Variants in SPINK5 observed in about 807,000 individuals in gnomAD.
The protein encoded by SPINK5 is serine peptidase inhibitor Kazal type 5.
A neutral mutation model predicts 151.8 loss-of-function variants in SPINK5; 125 were observed. The ratio of observed to expected loss-of-function variants is 0.82; its 90% confidence interval spans 0.71 to 0.96. The LOEUF (loss-of-function observed/expected upper bound fraction) is 0.96, where lower values mean the gene tolerates loss of function less well. Among genes scored for constraint, SPINK5 ranks in the 40% least tolerant of loss-of-function variants. SPINK5 has a pLI of 0.00. For synonymous variants in SPINK5, 374 were observed against 395.3 expected, an observed-to-expected ratio of 0.95 and a Z score of 0.64; for missense variants, 1,194 against 1,291.9, an observed-to-expected ratio of 0.92 and a Z score of 1.16.
chr5:148,102,131 A>G (rs1164132215), intron 15 of SPINK5, among the ~76,000 whole-genome samples: 2 of 152,164 alleles, frequency 1.3e-5, no homozygotes, highest in Non-Finnish European at 2.9e-5. Context: ...ACACAGAAAA[A>G]CATATAATGT....
At position 148,120,373 on chromosome 5, in the gene SPINK5, A is replaced by C; in HGVS notation, c.2520A>C (p.Glu840Asp). Reference sequence around the variant, plus strand: ...CAGGAGAAAGGAGCAATACAGGAGAAAGGAGCAATGACAAAGAGGTAATAG... The same window carrying C: ...CAGGAGAAAGGAGCAATACAGGAGACAGGAGCAATGACAAAGAGGTAATAG... ...SNTGERSNTG[E>D]RSNDKEDLCR... Residue 840 changes from glutamate (E) to aspartate (D), a missense_variant, in exon 26 of 33, where the codon GAA becomes GAC. By Grantham distance (45) the Glu-to-Asp change is conservative (BLOSUM62 2). Transcript: ENST00000256084. 3 of 1,600,158 alleles carry C rather than the reference A, an allele frequency of 1.9e-6. No individual in the cohort carries two copies. The highest frequency in any genetic ancestry group is 2.6e-6 in the Non-Finnish European group (3 of 1,171,908).
intron 26 of SPINK5, among the ~76,000 whole-genome samples, chr5:148,120,692 G>T (rs771127073): frequency 5.9e-5 from 9 of 151,948 alleles, no homozygotes; most frequent in Non-Finnish European, 1.2e-4. Flanking sequence ...GGATGGTCTC[G>T]AACTCCTGAG....
At chr5:148,086,318 T>C in intron 4 of SPINK5, 87 bp from the exon 5 acceptor site, 1 of 1,531,858 alleles carries the variant, frequency 6.5e-7, no homozygotes, top group Non-Finnish European at 8.9e-7. Flanking sequence ...TTTACATTAT[T>C]GTGGGCTTAA....
intron 15 of SPINK5, among the ~76,000 whole-genome samples, chr5:148,102,547 C>A (rs1455372602): frequency 1.3e-5 from 2 of 151,974 alleles, no homozygotes; most frequent in Non-Finnish European, 2.9e-5. Context: ...AAGTGAGGTG[C>A]AGAATAATTT....
chr5:148,114,412 C>A lies in SPINK5; in HGVS notation c.1938C>A (p.Cys646Ter). 2 of 1,613,604 alleles carry A rather than the reference C, an allele frequency of 1.2e-6. No homozygotes were observed. The highest frequency in any genetic ancestry group is 1.7e-6 in the Non-Finnish European group (2 of 1,179,706). Residue 646 changes from cysteine to a stop codon, truncating the protein, a stop_gained, in exon 21 of 33, where the codon TGC becomes TGA. Coordinates refer to ENST00000256084, the MANE Select transcript of SPINK5 (RefSeq NM_006846.4). LOFTEE classifies it high-confidence loss of function. ...RRLLQNGKLF[C>*]TRENDPVRGP... ...TTTTGCAAAATGGAAAACTTTTCTGCACAAGAGAAAATGATCCTGTGCGTG... is the reference window on the plus strand; with the variant it reads ...TTTTGCAAAATGGAAAACTTTTCTGAACAAGAGAAAATGATCCTGTGCGTG...
chr5:148,089,572 C>T lies in SPINK5; in HGVS notation c.553C>T (p.Pro185Ser). Residue 185 changes from proline (P) to serine (S), a missense_variant, in exon 7 of 33, where the codon CCT (proline) becomes TCT (serine). By Grantham distance (74) the Pro-to-Ser change is moderately conservative. Coordinates refer to ENST00000256084, the MANE Select transcript of SPINK5 (RefSeq NM_006846.4). ...AAGGGAAAATGATCCTGTTCTTGGT[C>T]CTGATGGGAAGACGCATGGCAATAA... ...CTRENDPVLG[P>S]DGKTHGNKCA... is the part of the protein sequence containing the mutation. 1.9e-6 allele frequency: 3 copies of T among 1,612,100 alleles called. No individual in the cohort carries two copies. The highest frequency in any genetic ancestry group is 3.3e-5 in the Admixed American group (2 of 59,832).
rs77692289 is a variant in SPINK5, at chr5:148,105,257, T to C, written c.1479+257T>C. Among the ~76,000 whole-genome samples the C allele has an allele frequency of 0.03, 4,535 of 152,308 alleles. 236 individuals carry two copies. The highest frequency in any genetic ancestry group is 0.1 in the African/African-American group (4,297 of 41,544). On this transcript the variant is annotated intron_variant, in intron 16 of 32. Coordinates refer to ENST00000256084, the MANE Select transcript of SPINK5 (RefSeq NM_006846.4). ...TTTTTGTAAGGAATTTTCCCCATAT[T>C]TGGCTTTTATTAGATTTCTGTTGTT...
chr5:148,083,793 CTTCTAA>C (rs1291819691), intron 4 of SPINK5, among the ~76,000 whole-genome samples: 6 of 151,206 alleles, frequency 4.0e-5, no homozygotes, highest in African/African-American at 1.5e-4. Context: ...CTTTTGGAGA[CTTCTAA>C]TTCTATTTTA....
At position 148,116,396 on chromosome 5, in the gene SPINK5, G is replaced by A. The variant is rs552753458; in HGVS notation, c.2042G>A (p.Arg681Lys). 2.5e-6 allele frequency: 4 copies of A among 1,614,102 alleles called. No homozygotes were observed. Among genetic ancestry groups the A allele is most frequent in the South Asian group, 2.2e-5 (2 of 91,078 alleles). Residue 681 changes from arginine (R) to lysine (K), a missense_variant, in exon 22 of 33, where the codon AGG becomes AAG. Arg to Lys is a conservative substitution (Grantham distance 26, BLOSUM62 2). Coordinates refer to ENST00000256084, the MANE Select transcript of SPINK5 (RefSeq NM_006846.4). ...CAGAAAGAAAATGAGGAAAGAAAGA[G>A]GAAAGAAGAGGAAGATCAGAGAAAT... ...VFQKENEERK[R>K]KEEEDQRNAA... is the part of the protein sequence containing the mutation.
chr5:148,085,779 A>T (rs115580179), intron 4 of SPINK5, among the ~76,000 whole-genome samples: 2,651 of 152,024 alleles, frequency 0.017, 65 homozygotes, highest in African/African-American at 0.061. Flanking sequence ...AACATTGAAA[A>T]TAACAACAAC....
chr5:148,111,954 G>A (rs1753945292), intron 19 of SPINK5, 59 bp downstream of exon 19: 6 of 1,613,022 alleles, frequency 3.7e-6, no homozygotes, highest in African/African-American at 1.3e-5. Flanking sequence ...CATCGGGTGG[G>A]CAAGAGGGGT....
At chr5:148,108,957 T>G in intron 18 of SPINK5, 120 bp downstream of exon 18, 2 of 1,539,152 alleles carry the variant, frequency 1.3e-6, no homozygotes, top group Non-Finnish European at 1.8e-6. Flanking sequence ...TGGGAAAATG[T>G]GTTTGGATCC....
rs367964540 is a variant in SPINK5 at position 148,063,994 on chromosome 5, A to T, written c.-51A>T. ...GCCCCGAGTTCAGTCATACTGCACC[A>T]GCTGAGCAATGCATGGAGTGGACCT... On this transcript the variant is annotated 5_prime_UTR_variant, in exon 1 of 33. Transcript: ENST00000256084. The T allele has an allele frequency of 1.9e-6, 3 of 1,602,258 alleles. No homozygotes were observed. In the African/African-American group the frequency reaches 4.0e-5, roughly 21 times the overall value.
chr5:148,070,082 C>T (rs1752697384), intron 2 of SPINK5, among the ~76,000 whole-genome samples: 1 of 151,832 alleles, frequency 6.6e-6, no homozygotes, highest in African/African-American at 2.4e-5. Flanking sequence ...CTGACAATCA[C>T]CAGCAACATC....
At position 148,101,903 on chromosome 5, in the gene SPINK5, C is replaced by T; in HGVS notation, c.1425C>T (p.Ala475=). Residue 475 remains alanine (A), a synonymous_variant, in exon 15 of 33, where the codon GCC becomes GCT. Transcript: ENST00000256084. ...MHGNTCSMCE[A]FFQQEERARA... ...GCAACACCTGCTCCATGTGTGAGGC[C>T]TTCTTGTGAGTAGAGCAGTAGCCCC... 6.2e-7 allele frequency: 1 copy of T among 1,613,530 alleles called. No homozygotes were observed. Among genetic ancestry groups the T allele is most frequent in the South Asian group, 1.1e-5 (1 of 91,082 alleles).
intron 4 of SPINK5, among the ~76,000 whole-genome samples, chr5:148,081,166 C>T (rs114827363): frequency 1.1e-4 from 16 of 151,504 alleles, no homozygotes; most frequent in African/African-American, 3.9e-4. Context: ...ATAGTCAGAT[C>T]GGGGTAATAT....
At chr5:148,118,844 G>A in intron 23 of SPINK5, 142 bp from the exon 24 acceptor site, 1 of 922,616 alleles carries the variant, frequency 1.1e-6, no homozygotes, top group Middle Eastern at 2.5e-4. Flanking sequence ...ATCCTAGGAA[G>A]ACTTTGTCAC....
chr5:148,126,867 C>T (rs925443764), intron 29 of SPINK5, 116 bp from the exon 30 acceptor site: 59 of 840,502 alleles, frequency 7.0e-5, no homozygotes, highest in Non-Finnish European at 1.0e-4. Flanking sequence ...GCTGGGGTTA[C>T]AGGCGTGAAC....
chr5:148,129,715 A>T (rs1339810936), intron 30 of SPINK5, among the ~76,000 whole-genome samples: 2 of 152,176 alleles, frequency 1.3e-5, no homozygotes. Context: ...AGGTGTTTGA[A>T]TCATTTATCA....
Sources: gnomAD v4.1 joint callset for allele counts (sites outside exome capture counted in the v4.1 genomes callset) on GRCh38, gnomAD v4.1.1 for gene constraint, MANE v1.5 for transcripts, NCBI Gene and HGNC (gene_info 2026-07-23, HGNC 2026-07-21) for gene names.